GBE1: variants seen among roughly 807,000 people sequenced by gnomAD.
GBE1 encodes 1,4-alpha-glucan-branching enzyme.
A neutral mutation model predicts 88.8 loss-of-function variants in GBE1; 70 were observed. The observed-to-expected ratio is 0.79, with a 90% CI of 0.65 to 0.96. The LOEUF is 0.96. Among genes scored for constraint, GBE1 ranks in the 40% least tolerant of loss-of-function variants. GBE1 has a pLI of 0.00. For missense variants in GBE1, 872 were observed against 871.0 expected, an observed-to-expected ratio of 1.00 and a Z score of -0.01; for synonymous variants, 284 against 300.1, an observed-to-expected ratio of 0.95 and a Z score of 0.56.
chr3:81,494,102 C>T (rs1362523177), intron 15 of GBE1, among the ~76,000 whole-genome samples: 3 of 152,004 alleles, frequency 2.0e-5, no homozygotes, highest in Non-Finnish European at 2.9e-5. Flanking sequence ...ATATATTTCA[C>T]TGCAGTGTTA....
chr3:81,495,105 TG>T (rs1298666424), intron 15 of GBE1, among the ~76,000 whole-genome samples: 12 of 152,172 alleles, frequency 7.9e-5, no homozygotes, highest in African/African-American at 2.7e-4. Flanking sequence ...CATCATTCAG[TG>T]GGTCGGGCAT....
Position 81,592,299 on chromosome 3 carries a change from C to T in GBE1, c.1109-1135G>A, listed in dbSNP as rs569329598. On this transcript the variant is annotated intron_variant, in intron 8 of 15. Transcript: ENST00000429644. ...GACCAACATCTCTCCATTTCCTCCA[C>T]TCCTCAGCCCCTGGCAACCATCATT... Among the ~76,000 whole-genome samples, 3 of 152,274 alleles carry T rather than the reference C, an allele frequency of 2.0e-5. No homozygotes were observed. In the East Asian group the frequency reaches 5.8e-4, roughly 29 times the overall value.
chr3:81,577,729 T>C (rs1383946090), intron 12 of GBE1, among the ~76,000 whole-genome samples, 196 bp downstream of exon 12: 1 of 152,196 alleles, frequency 6.6e-6, no homozygotes, highest in African/African-American at 2.4e-5. Context: ...GACTATACTT[T>C]TGTATCATAT....
rs770819395 is a variant in GBE1 at position 81,499,180 on chromosome 3, T to G, written c.1982A>C (p.Gln661Pro). Reference protein sequence around the residue: ...DSDAAEYGGHQRLDHSTDFFS... With the variant: ...DSDAAEYGGHPRLDHSTDFFS... ...AAAGTCAGTGCTGTGGTCCAGTCTC[T>G]GATGCCCTCCATATTCCGCTGCATC... Residue 661 changes from glutamine (Q) to proline (P), a missense_variant, in exon 15 of 16, where the codon CAG becomes CCG. Coordinates refer to ENST00000429644, the MANE Select transcript of GBE1 (RefSeq NM_000158.4). 6.2e-7 allele frequency: 1 copy of G among 1,612,052 alleles called. No homozygotes were observed. Among genetic ancestry groups the G allele is most frequent in the South Asian group, 1.1e-5 (1 of 90,652 alleles).
chr3:81,675,222 T>G (rs144282805), intron 2 of GBE1, among the ~76,000 whole-genome samples: 1 of 152,034 alleles, frequency 6.6e-6, no homozygotes, highest in African/African-American at 2.4e-5. Context: ...TAGATGAAGT[T>G]AAACTAAAAG....
chr3:81,616,358 T>C (rs1326631451), intron 7 of GBE1, among the ~76,000 whole-genome samples: 3 of 152,180 alleles, frequency 2.0e-5, no homozygotes, highest in African/African-American at 4.8e-5. Flanking sequence ...TGTTAATCTA[T>C]AATCTATTTT....
intron 14 of GBE1, among the ~76,000 whole-genome samples, chr3:81,505,836 A>G (rs1702646281): frequency 6.6e-6 from 1 of 152,118 alleles, no homozygotes; most frequent in African/African-American, 2.4e-5. Flanking sequence ...AAACTTAAGC[A>G]GTCATCATTA....
At chr3:81,592,666 A>T (rs1703895350) in intron 8 of GBE1, among the ~76,000 whole-genome samples, 2 of 152,114 alleles carry the variant, frequency 1.3e-5, no homozygotes, top group Admixed American at 1.3e-4. Context: ...TTCTGTATCT[A>T]TAAAAAGCAC....
chr3:81,641,955 G>A (rs1420885438), intron 7 of GBE1, among the ~76,000 whole-genome samples: 2 of 149,070 alleles, frequency 1.3e-5, no homozygotes, highest in Admixed American at 6.7e-5. Flanking sequence ...TTTCAAATAT[G>A]TATATGTATT....
intron 1 of GBE1, among the ~76,000 whole-genome samples, chr3:81,722,947 C>T (rs903306355): frequency 6.8e-6 from 1 of 147,106 alleles, no homozygotes; most frequent in African/African-American, 2.5e-5. Context: ...TACTTATATA[C>T]ACATATATAA....
At chr3:81,738,719 G>A (rs1296305315) in intron 1 of GBE1, among the ~76,000 whole-genome samples, 5 of 152,050 alleles carry the variant, frequency 3.3e-5, no homozygotes, top group Middle Eastern at 3.4e-3. Context: ...TACAGAGCAC[G>A]TACTTCTTGC....
At chr3:81,640,283 GCAC>G (rs1412272617) in intron 7 of GBE1, among the ~76,000 whole-genome samples, 1 of 134,816 alleles carries the variant, frequency 7.4e-6, no homozygotes, top group African/African-American at 2.8e-5. Flanking sequence ...GTCTCGGTGG[GCAC>G]CATCTCATCA....
chr3:81,537,131 A>T (rs1427721976), intron 12 of GBE1, 36 bp from the exon 13 acceptor site: 1 of 1,219,124 alleles, frequency 8.2e-7, no homozygotes, highest in African/African-American at 1.6e-5. Flanking sequence ...TCAGCCTATT[A>T]ATATTAGAAT....
chr3:81,520,478 A>T (rs767981738), intron 14 of GBE1, among the ~76,000 whole-genome samples: 1 of 151,598 alleles, frequency 6.6e-6, no homozygotes. Context: ...GTTCAAATGC[A>T]TTAGAAAGAG....
chr3:81,595,995 T>C (rs1480436659), intron 7 of GBE1, among the ~76,000 whole-genome samples: 1 of 151,968 alleles, frequency 6.6e-6, no homozygotes, highest in African/African-American at 2.4e-5. Context: ...ACACATTGTC[T>C]GAAAATCATA....
intron 7 of GBE1, among the ~76,000 whole-genome samples, chr3:81,613,973 T>C (rs1704215291): frequency 6.6e-6 from 1 of 151,634 alleles, no homozygotes; most frequent in Admixed American, 6.6e-5. Flanking sequence ...ACTGATAGCA[T>C]TCATAAACTC....
chr3:81,571,523 G>T (rs1477791833), intron 12 of GBE1, among the ~76,000 whole-genome samples: 1 of 152,118 alleles, frequency 6.6e-6, no homozygotes, highest in Non-Finnish European at 1.5e-5. Flanking sequence ...AATCATTTAT[G>T]TTTCGAGGTA....
intron 14 of GBE1, among the ~76,000 whole-genome samples, chr3:81,527,826 A>G (rs1031467320): frequency 6.6e-6 from 1 of 152,130 alleles, no homozygotes; most frequent in African/African-American, 2.4e-5. Context: ...TCAGGCATCT[A>G]GAATGAGAAA....
chr3:81,517,431 A>T (rs573967061), intron 14 of GBE1, among the ~76,000 whole-genome samples: 1 of 151,614 alleles, frequency 6.6e-6, no homozygotes, highest in East Asian at 1.9e-4. Context: ...AATTTGTGTG[A>T]CTTGCTATAT....
Sources: allele counts gnomAD v4.1 joint callset (sites outside exome capture counted in the v4.1 genomes callset), GRCh38; gene constraint gnomAD v4.1.1; transcripts MANE v1.5; gene names NCBI Gene and HGNC (gene_info 2026-07-23, HGNC 2026-07-21).